Variants in THSD7A observed in about 807,000 individuals in gnomAD.
The protein encoded by THSD7A is thrombospondin type-1 domain-containing protein 7A.
THSD7A carries 96 observed loss-of-function variants against 231.3 expected under a neutral mutation model. The observed-to-expected ratio is 0.41, with a 90% CI of 0.35 to 0.49. The LOEUF is 0.49. Among genes scored for constraint, THSD7A ranks in the 20% least tolerant of loss-of-function variants. THSD7A has a pLI of 0.05. For synonymous variants in THSD7A, 940 were observed against 743.3 expected, an observed-to-expected ratio of 1.26 and a Z score of -4.30; for missense variants, 2,290 against 2,070.2, an observed-to-expected ratio of 1.11 and a Z score of -2.06.
chr7:11,372,302 CTGTCT>C lies in THSD7A; in HGVS notation c.*3487_*3491del, dbSNP rs1313254900. ...AGCATTTTTTCCTTCTTTTGGATGT[CTGTCT>C]TAAGTACCTATGTATACAAAAGCCA... On this transcript the variant is annotated 3_prime_UTR_variant, in exon 28 of 28. Coordinates refer to ENST00000423059, the MANE Select transcript of THSD7A (RefSeq NM_015204.3). 5 of 149,058 alleles carry C rather than the reference CTGTCT, an allele frequency of 3.4e-5. No homozygotes were observed. The highest frequency in any genetic ancestry group is 7.4e-5 in the Non-Finnish European group (5 of 67,388). The allele number at this position is 149,058 out of a possible 1,614,324, so 9.2% of individuals were successfully genotyped here.
At chr7:11,753,354 G>A (rs1405131830) in intron 1 of THSD7A, among the ~76,000 whole-genome samples, 5 of 151,888 alleles carry the variant, frequency 3.3e-5, no homozygotes, top group African/African-American at 1.2e-4. Context: ...ATAACTCGCT[G>A]GTATGCATTA....
At chr7:11,594,880 A>T (rs1214330147) in intron 2 of THSD7A, among the ~76,000 whole-genome samples, 1 of 152,184 alleles carries the variant, frequency 6.6e-6, no homozygotes, top group Non-Finnish European at 1.5e-5. Context: ...CTACTGTTAA[A>T]GTGAGGGCAT....
chr7:11,524,561 G>C lies in THSD7A; in HGVS notation c.1822+16858C>G, dbSNP rs1324497471. On this transcript the variant is annotated intron_variant, in intron 6 of 27. Transcript: ENST00000423059. Reference sequence around the variant, plus strand: ...AAAAGACCGATGAACATTTAAGGTAGGTAGAGAGGTCATTTAGCTGTGAAA... The same window carrying C: ...AAAAGACCGATGAACATTTAAGGTACGTAGAGAGGTCATTTAGCTGTGAAA... Among the ~76,000 whole-genome samples, 4 of 152,200 alleles carry C rather than the reference G, an allele frequency of 2.6e-5. 1 individual carries two copies. Among genetic ancestry groups the C allele is most frequent in the African/African-American group, 7.2e-5 (3 of 41,450 alleles).
intron 7 of THSD7A, among the ~76,000 whole-genome samples, chr7:11,477,100 G>T (rs1786222383): frequency 6.6e-6 from 1 of 152,122 alleles, no homozygotes; most frequent in Non-Finnish European, 1.5e-5. Flanking sequence ...TGAATCCTCA[G>T]ACTGCATTCA....
intron 1 of THSD7A, among the ~76,000 whole-genome samples, chr7:11,775,026 A>T: frequency 6.6e-6 from 1 of 152,214 alleles, no homozygotes; most frequent in East Asian, 1.9e-4. Flanking sequence ...CCTGGGTGAC[A>T]GAGTGAGATT....
At chr7:11,458,817 T>C (rs1291120957) in intron 11 of THSD7A, among the ~76,000 whole-genome samples, 1 of 152,132 alleles carries the variant, frequency 6.6e-6, no homozygotes, top group African/African-American at 2.4e-5. Flanking sequence ...AGAATAGTTT[T>C]TGTACAGATT....
intron 11 of THSD7A, among the ~76,000 whole-genome samples, chr7:11,459,662 G>T (rs947915900): frequency 7.5e-6 from 1 of 132,644 alleles, no homozygotes; most frequent in African/African-American, 2.9e-5. Context: ...ATAAAAACAG[G>T]GGATTTTTTT....
chr7:11,529,620 C>T (rs1395425801), intron 6 of THSD7A, among the ~76,000 whole-genome samples: 2 of 138,036 alleles, frequency 1.4e-5, no homozygotes, highest in Non-Finnish European at 3.2e-5. Context: ...CTCTCTCTCG[C>T]TGCCATATAA....
chr7:11,788,527 A>G (rs1289751317), intron 1 of THSD7A, among the ~76,000 whole-genome samples: 2 of 152,042 alleles, frequency 1.3e-5, no homozygotes, highest in African/African-American at 2.4e-5. Flanking sequence ...CAAACTGCTT[A>G]TGCCCATATA....
At chr7:11,432,255 C>T (rs949427725) in intron 13 of THSD7A, among the ~76,000 whole-genome samples, 1 of 151,688 alleles carries the variant, frequency 6.6e-6, no homozygotes, top group African/African-American at 2.4e-5. Context: ...GGAAGTGCTA[C>T]TATAAGATAC....
chr7:11,762,848 A>T (rs1479894812), intron 1 of THSD7A, among the ~76,000 whole-genome samples: 1 of 152,176 alleles, frequency 6.6e-6, no homozygotes, highest in Non-Finnish European at 1.5e-5. Context: ...CATGAATTAG[A>T]CAATCAACAT....
At chr7:11,395,854 T>A (rs561014796) in intron 23 of THSD7A, among the ~76,000 whole-genome samples, 2 of 152,202 alleles carry the variant, frequency 1.3e-5, no homozygotes, top group Admixed American at 1.3e-4. Context: ...CAGCACCACA[T>A]TGCATTTTTT....
At chr7:11,598,228 A>G (rs748894237) in intron 2 of THSD7A, among the ~76,000 whole-genome samples, 3 of 152,230 alleles carry the variant, frequency 2.0e-5, no homozygotes, top group African/African-American at 4.8e-5. Context: ...TGGAAGAAGC[A>G]TGACTGGAAA....
At chr7:11,526,704 C>T (rs1224278924) in intron 6 of THSD7A, among the ~76,000 whole-genome samples, 1 of 152,170 alleles carries the variant, frequency 6.6e-6, no homozygotes, top group African/African-American at 2.4e-5. Context: ...CCCCCTTTCC[C>T]CTCTCTTTCT....
Position 11,375,729 on chromosome 7 carries a change from TGTG to T in THSD7A, c.*62_*64del. ...ATCCACACAGTTTGGATACATTTGT[TGTG>T]GCCTCTGGACATCTATGAAGTCAGA... On this transcript the variant is annotated 3_prime_UTR_variant, in exon 28 of 28. Transcript: ENST00000423059. 1 of 1,297,158 alleles carries T rather than the reference TGTG, an allele frequency of 7.7e-7. No individual in the cohort carries two copies. The highest frequency in any genetic ancestry group is 1.1e-6 in the Non-Finnish European group (1 of 902,336). The allele number at this position is 1,297,158 out of a possible 1,614,324, so 80.4% of individuals were successfully genotyped here.
At chr7:11,545,989 G>A (rs1789365226) in intron 4 of THSD7A, among the ~76,000 whole-genome samples, 1 of 152,080 alleles carries the variant, frequency 6.6e-6, no homozygotes, top group African/African-American at 2.4e-5. Context: ...CAGGGTAACT[G>A]CCTGGCCTTG....
At chr7:11,639,291 A>G (rs1781985962) in intron 1 of THSD7A, among the ~76,000 whole-genome samples, 1 of 152,202 alleles carries the variant, frequency 6.6e-6, no homozygotes, top group East Asian at 1.9e-4. Context: ...CAGAGTGTAA[A>G]CAAATGATTT....
rs967991674 is a variant in THSD7A at position 11,756,881 on chromosome 7, G to T, written c.190+74876C>A. On this transcript the variant is annotated intron_variant, in intron 1 of 27. Coordinates refer to ENST00000423059, the MANE Select transcript of THSD7A (RefSeq NM_015204.3). ...AAGAGGACATTTTTAGCCTGAAGTTGTTTCTAGGGTTTTGAGATTATTTTT... is the reference window on the plus strand; with the variant it reads ...AAGAGGACATTTTTAGCCTGAAGTTTTTTCTAGGGTTTTGAGATTATTTTT... Among the ~76,000 whole-genome samples, 19 of 151,924 alleles carry T rather than the reference G, an allele frequency of 1.3e-4. 1 individual carries two copies. The highest frequency in any genetic ancestry group is 1.1e-3 in the Admixed American group (17 of 15,224).
intron 4 of THSD7A, among the ~76,000 whole-genome samples, chr7:11,570,048 T>G (rs1790554929): frequency 6.6e-6 from 1 of 152,094 alleles, no homozygotes; most frequent in Admixed American, 6.5e-5. Context: ...AGTGTATGCC[T>G]GTAGTCCCAG....
Sources: allele counts gnomAD v4.1 joint callset (sites outside exome capture counted in the v4.1 genomes callset), GRCh38; gene constraint gnomAD v4.1.1; transcripts MANE v1.5; gene names NCBI Gene and HGNC (gene_info 2026-07-23, HGNC 2026-07-21).